The following SOX5 variants were observed in gnomAD, a reference collection of about 807,000 sequenced individuals.
The protein encoded by SOX5 is SRY-box transcription factor 5.
SOX5 carries 9 observed loss-of-function variants against 92.0 expected under a neutral mutation model. The ratio of observed to expected loss-of-function variants is 0.10; its 90% CI spans 0.06 to 0.17. The LOEUF is 0.17. Ranked by LOEUF, SOX5 falls within the 10% of genes least tolerant of loss-of-function variation. SOX5 has a pLI of 1.00. For missense variants in SOX5, 642 were observed against 944.5 expected (o/e 0.68, Z 4.20); for synonymous variants, 344 against 336.3 (o/e 1.02, Z -0.25).
intron 10 of SOX5, among the ~76,000 whole-genome samples, chr12:23,574,590 T>G (rs923234691): frequency 2.0e-5 from 3 of 152,226 alleles, no homozygotes; most frequent in African/African-American, 7.2e-5. Flanking sequence ...TATTTGTATC[T>G]CATGTAACTT....
chr12:23,584,593 C>T, intron 9 of SOX5: 1 of 1,608,458 alleles, frequency 6.2e-7, no homozygotes, highest in Non-Finnish European at 8.5e-7. Flanking sequence ...GTCTGGTGAA[C>T]CCACTATAAC....
chr12:24,204,496 T>C (rs1957838730), intron 4 of SOX5, among the ~76,000 whole-genome samples: 1 of 152,012 alleles, frequency 6.6e-6, no homozygotes, highest in South Asian at 2.1e-4. Context: ...GTCTGACTAA[T>C]TTTTGTATTT....
At chr12:23,844,122 CAG>C (rs2096548776) in intron 3 of SOX5, among the ~76,000 whole-genome samples, 1 of 152,204 alleles carries the variant, frequency 6.6e-6, no homozygotes, top group Admixed American at 6.5e-5. Flanking sequence ...TAGTCCACCA[CAG>C]GGCAAAATCA....
chr12:23,630,108 A>T (rs1478945525), intron 8 of SOX5, among the ~76,000 whole-genome samples: 1 of 151,990 alleles, frequency 6.6e-6, no homozygotes, highest in Non-Finnish European at 1.5e-5. Flanking sequence ...TATGATTTAT[A>T]AAAAAGTTGC....
intron 3 of SOX5, among the ~76,000 whole-genome samples, chr12:23,817,632 C>T (rs567341352): frequency 6.6e-6 from 1 of 152,262 alleles, no homozygotes; most frequent in Admixed American, 6.5e-5. Context: ...TCATAATAAC[C>T]ATATGACCTA....
chr12:24,529,500 C>T (rs867213648), intron 1 of SOX5, among the ~76,000 whole-genome samples: 12 of 152,216 alleles, frequency 7.9e-5, no homozygotes, highest in Middle Eastern at 6.8e-3. Flanking sequence ...ATCCCACAGG[C>T]CTGAGCTAAA....
intron 9 of SOX5, among the ~76,000 whole-genome samples, chr12:23,596,384 TACAA>T (rs892003782): frequency 6.6e-6 from 1 of 152,224 alleles, no homozygotes; most frequent in African/African-American, 2.4e-5. Flanking sequence ...GTTGTCATTT[TACAA>T]ACAAATTTAT....
intron 4 of SOX5, among the ~76,000 whole-genome samples, chr12:23,749,419 G>C (rs2094113419): frequency 6.6e-6 from 1 of 151,630 alleles, no homozygotes; most frequent in African/African-American, 2.4e-5. Context: ...TGTTGTTTTT[G>C]CTTCAGTATC....
intron 7 of SOX5, among the ~76,000 whole-genome samples, chr12:23,653,025 CAGATAGAT>C (rs2081835425): frequency 1.1e-5 from 1 of 91,198 alleles, no homozygotes; most frequent in South Asian, 3.5e-4. Context: ...GATGAATGTA[CAGATAGAT>C]GGATGGATGG....
At chr12:23,904,247 C>A (rs1483485164) in intron 1 of SOX5, among the ~76,000 whole-genome samples, 1 of 152,058 alleles carries the variant, frequency 6.6e-6, no homozygotes, top group African/African-American at 2.4e-5. Context: ...TTTTTCTTCT[C>A]TTTTCTCTAA....
intron 4 of SOX5, among the ~76,000 whole-genome samples, chr12:23,753,979 A>G (rs1389152831): frequency 6.6e-6 from 1 of 151,804 alleles, no homozygotes; most frequent in African/African-American, 2.4e-5. Context: ...TTGCTTTTAA[A>G]ATGCATCAGA....
At chr12:23,818,603 A>G (rs1043133558) in intron 3 of SOX5, among the ~76,000 whole-genome samples, 38 of 152,230 alleles carry the variant, frequency 2.5e-4, no homozygotes, top group African/African-American at 7.9e-4. Context: ...TTTCTTCAAT[A>G]ATGAATTAAC....
intron 3 of SOX5, among the ~76,000 whole-genome samples, chr12:24,221,371 G>T: frequency 6.6e-6 from 1 of 151,882 alleles, no homozygotes; most frequent in East Asian, 1.9e-4. Flanking sequence ...TTGTTCATTG[G>T]TTTACCTCCA....
intron 10 of SOX5, among the ~76,000 whole-genome samples, chr12:23,565,733 ACT>A (rs1946956185): frequency 6.6e-6 from 1 of 151,464 alleles, no homozygotes; most frequent in Non-Finnish European, 1.5e-5. Flanking sequence ...GCTTTTAGAG[ACT>A]CTTGAGTTTT....
chr12:23,970,743 G>A (rs776013958), intron 4 of SOX5, among the ~76,000 whole-genome samples: 16 of 145,258 alleles, frequency 1.1e-4, no homozygotes, highest in Non-Finnish European at 2.0e-4. Context: ...GTGCTGCAAT[G>A]AACATTGGTG....
chr12:24,084,785 A>G (rs1292149163), intron 4 of SOX5, among the ~76,000 whole-genome samples: 4 of 152,086 alleles, frequency 2.6e-5, no homozygotes, highest in Non-Finnish European at 2.9e-5. Context: ...GCCTTTTAAT[A>G]GTTGTTCTGT....
chr12:24,322,491 G>C (rs1950296547), intron 2 of SOX5, among the ~76,000 whole-genome samples: 1 of 152,156 alleles, frequency 6.6e-6, no homozygotes. Flanking sequence ...AAATATGTGT[G>C]TGTATGCACA....
chr12:23,760,313 T>C (rs999625604), intron 3 of SOX5, among the ~76,000 whole-genome samples: 6 of 152,022 alleles, frequency 3.9e-5, no homozygotes, highest in African/African-American at 1.2e-4. Flanking sequence ...ACAGATGGAA[T>C]ACAAAACCAG....
At chr12:23,907,347 G>A (rs543244458) in intron 1 of SOX5, among the ~76,000 whole-genome samples, 9 of 152,048 alleles carry the variant, frequency 5.9e-5, no homozygotes, top group Non-Finnish European at 1.2e-4. Flanking sequence ...TATGGAACCC[G>A]TCTATTAAGG....
Sources: allele counts gnomAD v4.1 joint callset (sites outside exome capture counted in the v4.1 genomes callset), GRCh38; gene constraint gnomAD v4.1.1; transcripts MANE v1.5; gene names NCBI Gene and HGNC (gene_info 2026-07-23, HGNC 2026-07-21).